Variants in MEI4 observed in about 807,000 individuals in gnomAD.
The protein encoded by MEI4 is meiotic double-stranded break formation protein 4, also known as meiosis-specific protein MEI4.
A neutral mutation model predicts 31.4 loss-of-function variants in MEI4; 27 were observed. That is an observed-to-expected ratio of 0.86 (90% confidence interval 0.63 to 1.19). The LOEUF (loss-of-function observed/expected upper bound fraction) is 1.19. Among genes scored for constraint, MEI4 ranks in the 50% most tolerant of loss-of-function variants. MEI4 has a pLI of 0.00. For synonymous variants in MEI4, 122 were observed against 145.4 expected (o/e 0.84, Z 1.16); for missense variants, 329 against 398.9 (o/e 0.82, Z 1.49).
chr6:77,812,419 T>C (rs1582174378), intron 3 of MEI4, among the ~76,000 whole-genome samples: 2 of 152,084 alleles, frequency 1.3e-5, no homozygotes, highest in Admixed American at 1.3e-4. Context: ...TGATGATTAT[T>C]ATTGGTTTGA....
Position 77,690,846 on chromosome 6 carries a change from A to C in MEI4, c.175A>C (p.Met59Leu). The C allele has an allele frequency of 8.1e-7, 1 of 1,231,478 alleles. No homozygotes were observed. The highest frequency in any genetic ancestry group is 1.6e-5 in the African/African-American group (1 of 64,500). The allele number at this position is 1,231,478 out of a possible 1,614,324, so 76.3% of individuals were successfully genotyped here. Residue 59 changes from methionine to leucine, a missense_variant, in exon 2 of 5, where the codon ATG (methionine) becomes CTG (leucine). Coordinates refer to ENST00000684080, the MANE Select transcript of MEI4 (RefSeq NM_001322247.2). ...AGTTGAAATCTTGGAAGCTGAAGTT[A>C]TGCAATTACGTCAAAAACTTCTTGT... ...SKVEILEAEV[M>L]QLRQKLLVSR...
intron 3 of MEI4, among the ~76,000 whole-genome samples, chr6:77,797,904 C>A (rs759789245): frequency 3.3e-5 from 5 of 152,104 alleles, no homozygotes; most frequent in Non-Finnish European, 7.3e-5. Flanking sequence ...ATCCAGGCAT[C>A]CTTCAATCCA....
chr6:77,670,297 C>T (rs963916396), intron 1 of MEI4, among the ~76,000 whole-genome samples: 9 of 151,926 alleles, frequency 5.9e-5, no homozygotes, highest in African/African-American at 2.2e-4. Context: ...TTTGTAGACT[C>T]ATCACTATTA....
chr6:77,738,467 A>T lies in MEI4; in HGVS notation c.233-22663A>T, dbSNP rs115892803. On this transcript the variant is annotated intron_variant, in intron 2 of 4. Coordinates refer to ENST00000684080, the MANE Select transcript of MEI4 (RefSeq NM_001322247.2). The stretch of plus-strand genomic sequence containing the variant: ...TAGCTAGTGCTGTATCTATTTTATC[A>T]GTATTTTCTTTATCCAGTCTATCAT... Among the ~76,000 whole-genome samples, 903 of 152,130 alleles carry T rather than the reference A, an allele frequency of 5.9e-3. 11 individuals are homozygous for T. Among genetic ancestry groups the T allele is most frequent in the African/African-American group, 0.021 (866 of 41,530 alleles).
At chr6:77,846,162 G>A (rs1389758952) in intron 4 of MEI4, among the ~76,000 whole-genome samples, 1 of 151,864 alleles carries the variant, frequency 6.6e-6, no homozygotes, top group Non-Finnish European at 1.5e-5. Context: ...ACCCAGGCTG[G>A]AGTGCAGTGG....
chr6:77,921,218 T>G (rs1766694970), intron 4 of MEI4, among the ~76,000 whole-genome samples: 1 of 151,878 alleles, frequency 6.6e-6, no homozygotes, highest in Non-Finnish European at 1.5e-5. Context: ...GCAGCTTCTA[T>G]ATCAGCATTT....
chr6:77,733,759 G>A (rs555799607), intron 2 of MEI4, among the ~76,000 whole-genome samples: 2 of 152,010 alleles, frequency 1.3e-5, no homozygotes, highest in East Asian at 1.9e-4. Flanking sequence ...TCTCTTGTGG[G>A]CATTTAGTGC....
rs571252406 is a variant in MEI4, at chr6:77,709,102, T to C, written c.232+18199T>C. ...AATAAATGTGTGATAATATTTCTTG[T>C]TTTTGGTTTTTCTCAATTTTCTCAT... On this transcript the variant is annotated intron_variant, in intron 2 of 4. Coordinates refer to ENST00000684080, the MANE Select transcript of MEI4 (RefSeq NM_001322247.2). Among the ~76,000 whole-genome samples the C allele has an allele frequency of 2.0e-5, 3 of 152,278 alleles. No individual in the cohort carries two copies. In the East Asian group the frequency reaches 5.8e-4, roughly 29 times the overall value.
At chr6:77,735,183 C>T (rs2127670109) in intron 2 of MEI4, among the ~76,000 whole-genome samples, 1 of 152,076 alleles carries the variant, frequency 6.6e-6, no homozygotes, top group South Asian at 2.1e-4. Flanking sequence ...GTTGGCCTGC[C>T]TTGCTAGATT....
intron 2 of MEI4, among the ~76,000 whole-genome samples, chr6:77,695,019 A>G (rs1245805996): frequency 7.9e-5 from 12 of 151,962 alleles, no homozygotes; most frequent in Non-Finnish European, 1.6e-4. Context: ...GCCAGTGATG[A>G]TGAGCATTTT....
chr6:77,756,655 G>A (rs1767926913), intron 2 of MEI4, among the ~76,000 whole-genome samples: 2 of 132,590 alleles, frequency 1.5e-5, no homozygotes, highest in African/African-American at 5.7e-5. Context: ...CTCCCTCTTT[G>A]TATTCCTCTC....
At chr6:77,915,628 T>G (rs1229312598) in intron 4 of MEI4, among the ~76,000 whole-genome samples, 1 of 152,028 alleles carries the variant, frequency 6.6e-6, no homozygotes, top group Non-Finnish European at 1.5e-5. Flanking sequence ...GATCTAGTGT[T>G]GGGTGCATAT....
chr6:77,658,882 C>A (rs1768448077), intron 1 of MEI4, among the ~76,000 whole-genome samples: 1 of 152,082 alleles, frequency 6.6e-6, no homozygotes, highest in South Asian at 2.1e-4. Flanking sequence ...TTTTTGGGCT[C>A]TATCCTTGAG....
intron 2 of MEI4, among the ~76,000 whole-genome samples, chr6:77,701,942 C>T (rs910229658): frequency 2.6e-5 from 4 of 152,104 alleles, no homozygotes; most frequent in African/African-American, 4.8e-5. Flanking sequence ...CTTCCTGATC[C>T]TCTAGCTCAC....
intron 1 of MEI4, among the ~76,000 whole-genome samples, chr6:77,655,964 T>C (rs997850970): frequency 6.6e-6 from 1 of 152,198 alleles, no homozygotes; most frequent in Non-Finnish European, 1.5e-5. Flanking sequence ...AGCATAGCCT[T>C]CATTTAAGTC....
chr6:77,919,463 A>T (rs930209880), intron 4 of MEI4, among the ~76,000 whole-genome samples: 1 of 152,120 alleles, frequency 6.6e-6, no homozygotes. Flanking sequence ...GAACAAAGAC[A>T]CAACATACCA....
intron 2 of MEI4, among the ~76,000 whole-genome samples, chr6:77,749,753 C>T (rs1271139545): frequency 6.6e-6 from 1 of 152,104 alleles, no homozygotes; most frequent in African/African-American, 2.4e-5. Flanking sequence ...CATTCAAATT[C>T]AGGAAATACA....
At chr6:77,743,471 T>C (rs1043435182) in intron 2 of MEI4, among the ~76,000 whole-genome samples, 1 of 152,218 alleles carries the variant, frequency 6.6e-6, no homozygotes, top group Non-Finnish European at 1.5e-5. Flanking sequence ...ACATTGATTT[T>C]GTATCCTGAG....
chr6:77,895,568 C>T (rs1440124007), intron 4 of MEI4, among the ~76,000 whole-genome samples: 1 of 152,148 alleles, frequency 6.6e-6, no homozygotes, highest in African/African-American at 2.4e-5. Context: ...CATCTTCTCC[C>T]ACCCTATGAC....
Sources: allele counts gnomAD v4.1 joint callset (sites outside exome capture counted in the v4.1 genomes callset), GRCh38; gene constraint gnomAD v4.1.1; transcripts MANE v1.5; gene names NCBI Gene and HGNC (gene_info 2026-07-23, HGNC 2026-07-21).